The following FHIP1A variants were observed in gnomAD, a reference collection of about 807,000 sequenced individuals.
FHIP1A encodes the protein FHF complex subunit HOOK interacting protein 1A.
FHIP1A carries 61 observed loss-of-function variants against 88.6 expected under a neutral mutation model. That is an observed-to-expected ratio of 0.69 (90% confidence interval 0.56 to 0.85). FHIP1A has a LOEUF of 0.85. Ranked by LOEUF, FHIP1A falls within the 40% of genes least tolerant of loss-of-function variation. The pLI, the probability that FHIP1A is intolerant of heterozygous loss-of-function variation, is 0.00. For synonymous variants in FHIP1A, 478 were observed against 496.0 expected (o/e 0.96, Z 0.48); for missense variants, 1,154 against 1,273.5 (o/e 0.91, Z 1.43).
In FHIP1A at chr4:151,449,391, T is replaced by A. The variant is rs529651698; in HGVS notation, c.-355-5310T>A. On this transcript the variant is annotated intron_variant, in intron 1 of 13. Transcript: ENST00000435205. The stretch of plus-strand genomic sequence containing the variant: ...TGGAGGTGGCATCTTAAAATTAAAA[T>A]TTTTTTTAATTGACACATTATAATT... Among the ~76,000 whole-genome samples the A allele has an allele frequency of 7.4e-4, 113 of 152,062 alleles. No homozygotes were observed. In the South Asian group the frequency reaches 0.013, roughly 17 times the overall value.
At chr4:151,456,470 A>G (rs2709833) in intron 2 of FHIP1A, among the ~76,000 whole-genome samples, 79,198 of 151,982 alleles carry the variant, frequency 0.52, 20,936 homozygotes, top group African/African-American at 0.55. Flanking sequence ...GAAAGCAAAT[A>G]AGGAAAATCA....
chr4:151,566,194 A>G lies in FHIP1A; in HGVS notation c.-66A>G, dbSNP rs988338654. On this transcript the variant is annotated 5_prime_UTR_variant, in exon 4 of 14. The change abolishes the stop of an existing upstream ORF in the 5' untranslated region. Transcript: ENST00000435205. ...GTTACATTTCTCAAACTTGAAAGTT[A>G]GTGACGGCTTACCAAATTTTAATGA... The G allele has an allele frequency of 2.2e-5, 21 of 952,582 alleles. 2 individuals are homozygous for G. The highest frequency in any genetic ancestry group is 1.1e-4 in the East Asian group (4 of 35,522). The allele number at this position is 952,582 out of a possible 1,614,324, so 59.0% of individuals were successfully genotyped here. A position where few individuals can be genotyped will look rare whatever the true frequency, so the allele number is the denominator to read the frequency against.
chr4:151,649,169 C>A (rs1247331392), intron 10 of FHIP1A, among the ~76,000 whole-genome samples: 1 of 152,176 alleles, frequency 6.6e-6, no homozygotes, highest in East Asian at 1.9e-4. Flanking sequence ...AGATTGCGAT[C>A]ATCAGCTCTT....
chr4:151,641,189 C>A (rs1736574987), intron 9 of FHIP1A, among the ~76,000 whole-genome samples: 1 of 152,212 alleles, frequency 6.6e-6, no homozygotes, highest in South Asian at 2.1e-4. Flanking sequence ...TTGAATACTT[C>A]CTCTGTTTCT....
intron 3 of FHIP1A, among the ~76,000 whole-genome samples, chr4:151,555,730 A>G (rs1004271156): frequency 8.5e-5 from 13 of 152,138 alleles, no homozygotes; most frequent in African/African-American, 3.1e-4. Context: ...ATTCAGAGAT[A>G]TATTAGTCAC....
chr4:151,622,822 C>T (rs886583508), intron 7 of FHIP1A, among the ~76,000 whole-genome samples: 1 of 152,034 alleles, frequency 6.6e-6, no homozygotes, highest in African/African-American at 2.4e-5. Context: ...TAATTATTAC[C>T]TCAGGACCAT....
rs910158057 is a variant in FHIP1A at position 151,663,635 on chromosome 4, A to C, written c.*881A>C. On this transcript the variant is annotated 3_prime_UTR_variant, in exon 14 of 14. Transcript: ENST00000435205. Reference sequence around the variant, plus strand: ...ATAAAAACAAACTGATTAACTTGTGAAGCCATTTCATAGTGGGTTTTTTCA... The same window carrying C: ...ATAAAAACAAACTGATTAACTTGTGCAGCCATTTCATAGTGGGTTTTTTCA... 4 of 152,224 alleles carry C rather than the reference A, an allele frequency of 2.6e-5. No homozygotes were observed. The highest frequency in any genetic ancestry group is 4.4e-5 in the Non-Finnish European group (3 of 68,038). The allele number at this position is 152,224 out of a possible 1,614,324, so 9.4% of individuals were successfully genotyped here.
chr4:151,633,372 T>A (rs1413359322), intron 8 of FHIP1A, among the ~76,000 whole-genome samples: 1 of 152,092 alleles, frequency 6.6e-6, no homozygotes, highest in East Asian at 1.9e-4. Context: ...TCTAGTGGTC[T>A]ACCAAACATG....
At chr4:151,424,732 A>G (rs1040827662) in intron 1 of FHIP1A, among the ~76,000 whole-genome samples, 1 of 152,108 alleles carries the variant, frequency 6.6e-6, no homozygotes, top group Non-Finnish European at 1.5e-5. Flanking sequence ...TGATCTTTGT[A>G]GTCAAGAGGC....
At chr4:151,588,215 A>G (rs1372693678) in intron 6 of FHIP1A, among the ~76,000 whole-genome samples, 1 of 152,114 alleles carries the variant, frequency 6.6e-6, no homozygotes, top group Non-Finnish European at 1.5e-5. Context: ...TACACTAAAT[A>G]TATTTTGGAA....
intron 3 of FHIP1A, among the ~76,000 whole-genome samples, chr4:151,524,789 C>T (rs1731572811): frequency 6.6e-6 from 1 of 152,202 alleles, no homozygotes; most frequent in Non-Finnish European, 1.5e-5. Context: ...ATGCAAGAGA[C>T]ACCTGCTGAG....
intron 5 of FHIP1A, among the ~76,000 whole-genome samples, chr4:151,579,356 G>T (rs1687931059): frequency 6.6e-6 from 1 of 152,162 alleles, no homozygotes; most frequent in South Asian, 2.1e-4. Context: ...TGGGGCAGCG[G>T]CTATGTGGGA....
In FHIP1A at chr4:151,426,226, T is replaced by C. The variant is rs1484306203; in HGVS notation, c.-356+16761T>C. ...TATGGGTCTCTCTACTTTGTATATG[T>C]TTGAAAATTTCCATAATAAAAAACA... On this transcript the variant is annotated intron_variant, in intron 1 of 13. Coordinates refer to ENST00000435205, the MANE Select transcript of FHIP1A (RefSeq NM_001109977.3). Among the ~76,000 whole-genome samples, 11 of 152,286 alleles carry C rather than the reference T, an allele frequency of 7.2e-5. No individual in the cohort carries two copies. In the East Asian group the frequency reaches 2.1e-3, roughly 29 times the overall value.
chr4:151,467,972 T>G lies in FHIP1A; in HGVS notation c.-248+13164T>G, dbSNP rs115389590. ...GTAACAAACGCTCACGTTCTGCACA[T>G]GTATCCCGGAACTTAAAAAAAAAAA... On this transcript the variant is annotated intron_variant, in intron 2 of 13. Coordinates refer to ENST00000435205, the MANE Select transcript of FHIP1A (RefSeq NM_001109977.3). 2.8e-3 allele frequency among the ~76,000 whole-genome samples: 392 copies of G among 140,832 alleles called. 1 individual carries two copies. Among genetic ancestry groups the G allele is most frequent in the African/African-American group, 0.01 (375 of 37,300 alleles). 92.4% of individuals were successfully genotyped at this position (140,832 alleles called of 152,430 possible).
chr4:151,481,811 C>T (rs1205925100), intron 2 of FHIP1A, among the ~76,000 whole-genome samples: 2 of 152,058 alleles, frequency 1.3e-5, no homozygotes, highest in Non-Finnish European at 2.9e-5. Context: ...AAGGGTTAGT[C>T]TCTCTAGATG....
intron 3 of FHIP1A, among the ~76,000 whole-genome samples, chr4:151,507,921 G>T (rs899676052): frequency 6.6e-6 from 1 of 152,218 alleles, no homozygotes; most frequent in Admixed American, 6.5e-5. Context: ...GATCCTGGAA[G>T]CTTGAGTAGT....
intron 5 of FHIP1A, among the ~76,000 whole-genome samples, chr4:151,585,727 C>T (rs1734186072): frequency 6.6e-6 from 1 of 152,144 alleles, no homozygotes; most frequent in African/African-American, 2.4e-5. Flanking sequence ...TCTTGGTGAC[C>T]AAGTTGGGTA....
chr4:151,515,053 C>T (rs1478082890), intron 3 of FHIP1A, among the ~76,000 whole-genome samples: 1 of 151,988 alleles, frequency 6.6e-6, no homozygotes, highest in South Asian at 2.1e-4. Flanking sequence ...CAAAAATCCT[C>T]AATAAAATAC....
At chr4:151,581,218 TGTATACA>T (rs1407494397) in intron 5 of FHIP1A, among the ~76,000 whole-genome samples, 1 of 152,170 alleles carries the variant, frequency 6.6e-6, no homozygotes, top group East Asian at 1.9e-4. Context: ...TGGATACATA[TGTATACA>T]GTAGAAGTAC....
Sources: gnomAD v4.1 joint callset for allele counts (sites outside exome capture counted in the v4.1 genomes callset) on GRCh38, gnomAD v4.1.1 for gene constraint, MANE v1.5 for transcripts, NCBI Gene and HGNC (gene_info 2026-07-23, HGNC 2026-07-21) for gene names.